The following PHF21A variants were observed in gnomAD, a reference collection of about 807,000 sequenced individuals.
The protein encoded by PHF21A is PHD finger protein 21A.
PHF21A carries 11 observed loss-of-function variants against 82.5 expected under a neutral mutation model. The observed-to-expected ratio is 0.13, with a 90% CI of 0.08 to 0.22. The LOEUF is 0.22. Among genes scored for constraint, PHF21A ranks in the 10% least tolerant of loss-of-function variants. The probability of loss-of-function intolerance (pLI) is 1.00; values close to 1 mark genes in which losing one functional copy is unlikely to be tolerated. For synonymous variants in PHF21A, 297 were observed against 302.8 expected, an observed-to-expected ratio of 0.98 and a Z score of 0.20; for missense variants, 579 against 837.8, an observed-to-expected ratio of 0.69 and a Z score of 3.81.
At chr11:45,990,419 C>T (rs1483655401) in intron 6 of PHF21A, among the ~76,000 whole-genome samples, 1 of 151,690 alleles carries the variant, frequency 6.6e-6, no homozygotes, top group Non-Finnish European at 1.5e-5. Context: ...CCACCACGCC[C>T]GGCTAATTTT....
intron 9 of PHF21A, 70 bp downstream of exon 9, chr11:45,969,745 A>T: frequency 9.9e-7 from 1 of 1,015,026 alleles, no homozygotes; most frequent in Non-Finnish European, 1.6e-6. Context: ...ATTACAGGCT[A>T]CTTAGAAAGA....
rs2097206323 is a variant in PHF21A at position 46,110,944 on chromosome 11, C to T, written c.-237+9991G>A. On this transcript the variant is annotated intron_variant, in intron 1 of 18. Coordinates refer to ENST00000676320, the MANE Select transcript of PHF21A (RefSeq NM_001352027.3). ...GGGATTACAGGCACCTGCCACCACG[C>T]CCAGCTAATTTTCTATTTTCAGTAG... 4.0e-5 allele frequency among the ~76,000 whole-genome samples: 6 copies of T among 151,814 alleles called. 1 individual carries two copies. In the South Asian group the frequency reaches 1.2e-3, roughly 32 times the overall value.
intron 6 of PHF21A, among the ~76,000 whole-genome samples, chr11:46,041,653 C>G (rs570902801): frequency 2.0e-5 from 3 of 152,126 alleles, no homozygotes; most frequent in South Asian, 2.1e-4. Flanking sequence ...ACATGAAGAC[C>G]CAGATTTAAA....
At chr11:45,981,940 C>CTTTT (rs754937092) in intron 6 of PHF21A, among the ~76,000 whole-genome samples, 73 of 78,252 alleles carry the variant, frequency 9.3e-4, no homozygotes, top group Non-Finnish European at 1.1e-3. Flanking sequence ...TTTTGTTTTT[C>CTTTT]TTTTTTTTTT....
At position 46,118,672 on chromosome 11, in the gene PHF21A, T is replaced by C. The variant is rs1424768171; in HGVS notation, c.-237+2263A>G. 2.0e-5 allele frequency: 3 copies of C among 152,102 alleles called. 1 individual carries two copies. The South Asian group carries it at 6.2e-4, about 31-fold the overall frequency. 9.4% of individuals were successfully genotyped at this position (152,102 alleles called of 1,614,324 possible). A position where few individuals can be genotyped will look rare whatever the true frequency, so the allele number is the denominator to read the frequency against. On this transcript the variant is annotated intron_variant, in intron 1 of 18. Coordinates refer to ENST00000676320, the MANE Select transcript of PHF21A (RefSeq NM_001352027.3). ...TTTTTAATGACCCCCTAAAATAAAC[T>C]AGTTTTAAGCCCACAACACCGATTC...
At chr11:46,073,214 G>A (rs576076718) in intron 6 of PHF21A, among the ~76,000 whole-genome samples, 3 of 151,986 alleles carry the variant, frequency 2.0e-5, no homozygotes, top group Non-Finnish European at 2.9e-5. Context: ...TGTAGTCCCA[G>A]CTACTTGGGA....
intron 6 of PHF21A, among the ~76,000 whole-genome samples, chr11:45,983,458 C>T (rs1050514067): frequency 2.0e-5 from 3 of 151,974 alleles, no homozygotes; most frequent in Non-Finnish European, 2.9e-5. Flanking sequence ...GATTAGAATA[C>T]TGCGTGTGTG....
chr11:45,955,945 T>C (rs1400539725), intron 10 of PHF21A, among the ~76,000 whole-genome samples: 1 of 152,244 alleles, frequency 6.6e-6, no homozygotes, highest in Non-Finnish European at 1.5e-5. Context: ...TCTAGCCAAC[T>C]AGTTTGACTG....
chr11:46,015,758 T>C (rs778578963), intron 6 of PHF21A, among the ~76,000 whole-genome samples: 2 of 152,134 alleles, frequency 1.3e-5, no homozygotes, highest in Non-Finnish European at 2.9e-5. Flanking sequence ...ATTACTGTCT[T>C]TTACCTCTAT....
In PHF21A at chr11:45,938,278, C is replaced by T; in HGVS notation, c.1487G>A (p.Arg496Lys). The change falls in exon 16 of 19, where the codon AGA becomes AAA. Residue 496 changes from arginine (R) to lysine (K), a missense_variant. By Grantham distance (26) the Arg-to-Lys change is conservative. Coordinates refer to ENST00000676320, the MANE Select transcript of PHF21A (RefSeq NM_001352027.3). Reference protein sequence around the residue: ...DIHEDFCSVCRKSGQLLMCDT... With the variant: ...DIHEDFCSVCKKSGQLLMCDT... ...GCACATCAGTAACTGGCCACTTTTTCTGCAAACGCTGCAAAAATCCTCATG... is the reference window on the plus strand; with the variant it reads ...GCACATCAGTAACTGGCCACTTTTTTTGCAAACGCTGCAAAAATCCTCATG... The T allele has an allele frequency of 6.2e-7, 1 of 1,611,362 alleles. No individual in the cohort carries two copies. The highest frequency in any genetic ancestry group is 8.5e-7 in the Non-Finnish European group (1 of 1,178,862).
At chr11:46,083,590 C>T (rs2096820996) in intron 4 of PHF21A, 1 of 152,214 alleles carries the variant, frequency 6.6e-6, no homozygotes, top group Non-Finnish European at 1.5e-5. Context: ...TGTGTGTCTT[C>T]CGCCTGATGT....
At chr11:46,041,195 T>C (rs1469025430) in intron 6 of PHF21A, among the ~76,000 whole-genome samples, 1 of 152,198 alleles carries the variant, frequency 6.6e-6, no homozygotes, top group East Asian at 1.9e-4. Context: ...GCGGAAATAG[T>C]CACCTTTTTT....
chr11:46,088,828 G>A (rs1198033928), intron 3 of PHF21A, among the ~76,000 whole-genome samples: 2 of 151,998 alleles, frequency 1.3e-5, no homozygotes, highest in Non-Finnish European at 2.9e-5. Context: ...AATTCTCTAA[G>A]GAGGTTCTTC....
At chr11:45,988,355 A>G (rs1048410137) in intron 6 of PHF21A, among the ~76,000 whole-genome samples, 1 of 152,254 alleles carries the variant, frequency 6.6e-6, no homozygotes, top group Non-Finnish European at 1.5e-5. Flanking sequence ...AGACAATAAT[A>G]TTAGAAAAAT....
At chr11:45,954,394 ACAATTCCAGT>A (rs770885566) in intron 10 of PHF21A, among the ~76,000 whole-genome samples, 13 of 152,318 alleles carry the variant, frequency 8.5e-5, no homozygotes, top group South Asian at 2.1e-4. Context: ...CTATTTCGGA[ACAATTCCAGT>A]CATAATCTCA....
intron 10 of PHF21A, among the ~76,000 whole-genome samples, chr11:45,960,336 T>C (rs1032134705): frequency 2.6e-5 from 4 of 152,194 alleles, no homozygotes; most frequent in Admixed American, 6.5e-5. Flanking sequence ...TTGTGGTATA[T>C]ACATGTCATG....
At chr11:45,943,220 T>G (rs2090706731) in intron 15 of PHF21A, among the ~76,000 whole-genome samples, 1 of 148,402 alleles carries the variant, frequency 6.7e-6, no homozygotes, top group Non-Finnish European at 1.5e-5. Context: ...CCTCCCATGC[T>G]CAAGTGATCC....
At chr11:45,962,664 G>C (rs2093168269) in intron 10 of PHF21A, among the ~76,000 whole-genome samples, 1 of 27,890 alleles carries the variant, frequency 3.6e-5, no homozygotes, top group African/African-American at 7.7e-5. Context: ...GGCCAAGGCA[G>C]GTGGGTCGCC....
At chr11:45,967,920 ATATTC>A (rs1322583096) in intron 9 of PHF21A, among the ~76,000 whole-genome samples, 4 of 152,234 alleles carry the variant, frequency 2.6e-5, no homozygotes, top group African/African-American at 7.2e-5. Context: ...TTAATAGTTC[ATATTC>A]TATTCTATTC....
Sources: allele counts gnomAD v4.1 joint callset (sites outside exome capture counted in the v4.1 genomes callset), GRCh38; gene constraint gnomAD v4.1.1; transcripts MANE v1.5; gene names NCBI Gene and HGNC (gene_info 2026-07-23, HGNC 2026-07-21).